KCNQ4: variants seen among roughly 807,000 people sequenced by gnomAD.
The protein encoded by KCNQ4 is potassium voltage-gated channel subfamily Q member 4, also known as potassium voltage-gated channel subfamily KQT member 4.
Under a neutral mutation model 72.6 loss-of-function variants are expected in KCNQ4, and 31 were observed. The ratio of observed to expected loss-of-function variants is 0.43; its 90% CI spans 0.32 to 0.58. KCNQ4 has a LOEUF of 0.58. Among genes scored for constraint, KCNQ4 ranks in the 20% least tolerant of loss-of-function variants. KCNQ4 has a pLI of 0.08. For missense variants in KCNQ4, 869 were observed against 962.6 expected (o/e 0.90, Z 1.29); for synonymous variants, 405 against 403.7 (o/e 1.00, Z -0.04).
rs371771838 is a variant in KCNQ4, at chr1:40,799,798, C to A, written c.314+15391C>A. On this transcript the variant is annotated intron_variant, in intron 1 of 13. Coordinates refer to ENST00000347132, the MANE Select transcript of KCNQ4 (RefSeq NM_004700.4). ...CTGCCTGAATGCAGTCACTGGCCTCCCGGTAACCTCAGCTTCCCATGTTCA... is the reference window on the plus strand; with the variant it reads ...CTGCCTGAATGCAGTCACTGGCCTCACGGTAACCTCAGCTTCCCATGTTCA... Among the ~76,000 whole-genome samples the A allele has an allele frequency of 5.9e-5, 9 of 152,348 alleles. No homozygotes were observed. In the East Asian group the frequency reaches 1.7e-3, roughly 29 times the overall value.
intron 6 of KCNQ4, 77 bp downstream of exon 6, chr1:40,820,062 G>A (rs1570832552): frequency 6.5e-7 from 1 of 1,538,106 alleles, no homozygotes; most frequent in Admixed American, 1.7e-5. Context: ...TTTGCCTGGG[G>A]AGCCTGGGGT....
chr1:40,795,270 T>TTC (rs1647379885), intron 1 of KCNQ4, among the ~76,000 whole-genome samples: 1 of 150,032 alleles, frequency 6.7e-6, no homozygotes, highest in African/African-American at 2.4e-5. Flanking sequence ...TTTTTTTTTT[T>TTC]TTTCCTTTTG....
Position 40,817,431 on chromosome 1 carries a change from G to C in KCNQ4, c.405+76G>C, listed in dbSNP as rs948488903. 2.7e-6 allele frequency: 3 copies of C among 1,131,658 alleles called. No homozygotes were observed. The highest frequency in any genetic ancestry group is 3.9e-6 in the Non-Finnish European group (3 of 774,722). 70.1% of individuals were successfully genotyped at this position (1,131,658 alleles called of 1,614,324 possible). On this transcript the variant is annotated intron_variant, in intron 2 of 13. Coordinates refer to ENST00000347132, the MANE Select transcript of KCNQ4 (RefSeq NM_004700.4). The surrounding 1 kb of genome is among the most constrained non-coding windows in gnomAD (Gnocchi z 5.5). ...TGGGCTGGGAGTCCGGGACTGAGGG[G>C]GGCTGTGTGAGGTAGCACCTCTGGG...
chr1:40,838,381 C>T lies in KCNQ4; in HGVS notation c.1946C>T (p.Ser649Leu), dbSNP rs1262477201. 1 of 1,614,044 alleles carries T rather than the reference C, an allele frequency of 6.2e-7. No homozygotes were observed. Among genetic ancestry groups the T allele is most frequent in the African/African-American group, 1.3e-5 (1 of 75,058 alleles). ...FYSRCLRSGT[S>L]ASLGAVQVPL... Reference sequence around the variant, plus strand: ...TCGCGCTGCCTGCGCTCTGGCACCTCGGCCAGCCTGGGCGCCGTGCAAGTG... The same window carrying T: ...TCGCGCTGCCTGCGCTCTGGCACCTTGGCCAGCCTGGGCGCCGTGCAAGTG... The change falls in exon 14 of 14, where the codon TCG becomes TTG. Residue 649 changes from serine (S) to leucine (L), a missense_variant. By Grantham distance (145) the Ser-to-Leu change is moderately radical. Around this residue, in one of 5 missense-constraint regions of KCNQ4, gnomAD observed 480 missense variants for 501.9 expected, o/e 0.96. Coordinates refer to ENST00000347132, the MANE Select transcript of KCNQ4 (RefSeq NM_004700.4).
chr1:40,827,808 A>G (rs1428700223), intron 9 of KCNQ4, among the ~76,000 whole-genome samples: 1 of 152,224 alleles, frequency 6.6e-6, no homozygotes, highest in Non-Finnish European at 1.5e-5. Flanking sequence ...TGTAAAATGC[A>G]GATGTAAATA....
At position 40,833,002 on chromosome 1, in the gene KCNQ4, C is replaced by G; in HGVS notation, c.1514-12C>G. ...CTTTGGTGGGCCACTTGCCCCATAC[C>G]TGCCTTTTCAGATGCCCCCTCAGAG... On this transcript the variant is annotated splice_polypyrimidine_tract_variant and intron_variant, in intron 10 of 13. Coordinates refer to ENST00000347132, the MANE Select transcript of KCNQ4 (RefSeq NM_004700.4). 1 of 1,610,226 alleles carries G rather than the reference C, an allele frequency of 6.2e-7. No homozygotes were observed.
At chr1:40,805,424 C>G (rs1647728195) in intron 1 of KCNQ4, among the ~76,000 whole-genome samples, 1 of 152,166 alleles carries the variant, frequency 6.6e-6, no homozygotes, top group Non-Finnish European at 1.5e-5. Context: ...TCTGCCCTCA[C>G]CCCCCACCAC....
chr1:40,785,904 T>C (rs1407480026), intron 1 of KCNQ4, among the ~76,000 whole-genome samples: 2 of 152,122 alleles, frequency 1.3e-5, no homozygotes, highest in Non-Finnish European at 2.9e-5. Flanking sequence ...ACCTTGACTC[T>C]GTGCAGAGAC....
intron 12 of KCNQ4, among the ~76,000 whole-genome samples, chr1:40,837,322 G>T (rs374830976): frequency 6.6e-6 from 1 of 152,154 alleles, no homozygotes; most frequent in East Asian, 1.9e-4. Flanking sequence ...GAATTCCTGG[G>T]CTCAAGTGAT....
In KCNQ4 at chr1:40,831,107, G is replaced by A. The variant is rs760822719; in HGVS notation, c.1316G>A (p.Arg439His). The A allele has an allele frequency of 1.9e-5, 30 of 1,602,342 alleles. No homozygotes were observed. Among genetic ancestry groups the A allele is most frequent in the Middle Eastern group, 1.6e-4 (1 of 6,070 alleles). ...AGCAGCCGGATGGGCATCAAAGACC[G>A]CATCCGCATGGGCAGCTCCCAGCGG... is the stretch of plus-strand genomic sequence containing the variant. ...GESSRMGIKD[R>H]IRMGSSQRRT... Residue 439 changes from arginine (R) to histidine (H), a missense_variant, in exon 10 of 14, where the codon CGC becomes CAC. Physicochemically the swap from Arg to His is conservative, Grantham distance 29. Transcript: ENST00000347132.
intron 9 of KCNQ4, among the ~76,000 whole-genome samples, chr1:40,830,743 A>G (rs1036574500): frequency 2.6e-5 from 4 of 151,854 alleles, no homozygotes; most frequent in African/African-American, 7.3e-5. Context: ...CACCTGCGCC[A>G]GGCCCAGCTC....
At position 40,784,766 on chromosome 1, in the gene KCNQ4, TCCCCA is replaced by T. The variant is rs1249090134; in HGVS notation, c.314+364_314+368del. ...CCTGGAGTGGGCGCCCTTTTCCTCT[TCCCCA>T]CCCCTGCCTCCCTGTGTCCCAGACA... On this transcript the variant is annotated intron_variant, in intron 1 of 13. Transcript: ENST00000347132. The surrounding 1 kb of genome is among the most constrained non-coding windows in gnomAD (Gnocchi z 4.1). Among the ~76,000 whole-genome samples, 1 of 151,952 alleles carries T rather than the reference TCCCCA, an allele frequency of 6.6e-6. No homozygotes were observed. The highest frequency in any genetic ancestry group is 2.1e-4 in the South Asian group (1 of 4,820).
At chr1:40,811,204 T>C (rs1647922541) in intron 1 of KCNQ4, among the ~76,000 whole-genome samples, 1 of 152,146 alleles carries the variant, frequency 6.6e-6, no homozygotes, top group South Asian at 2.1e-4. Context: ...GCAGTTATGG[T>C]TATTACTTCA....
chr1:40,814,823 A>G (rs1461567116), intron 1 of KCNQ4, among the ~76,000 whole-genome samples: 1 of 152,250 alleles, frequency 6.6e-6, no homozygotes, highest in Non-Finnish European at 1.5e-5. Flanking sequence ...GTACGTGTGT[A>G]AAAACCATCT....
chr1:40,811,782 C>T (rs1647934972), intron 1 of KCNQ4, among the ~76,000 whole-genome samples: 1 of 152,218 alleles, frequency 6.6e-6, no homozygotes, highest in African/African-American at 2.4e-5. Flanking sequence ...TGGGCCACAA[C>T]TTGCAGGCAG....
intron 1 of KCNQ4, among the ~76,000 whole-genome samples, chr1:40,796,933 A>T (rs1454368531): frequency 6.6e-6 from 1 of 151,686 alleles, no homozygotes; most frequent in African/African-American, 2.4e-5. Flanking sequence ...TAAATAAATA[A>T]ATAAATAAAT....
At chr1:40,823,083 G>A (rs1018600569) in intron 8 of KCNQ4, among the ~76,000 whole-genome samples, 2 of 152,216 alleles carry the variant, frequency 1.3e-5, no homozygotes, top group South Asian at 4.1e-4. Flanking sequence ...TTGTGGCTGG[G>A]GCAGGATGCT....
chr1:40,824,889 G>T lies in KCNQ4; in HGVS notation c.1292+631G>T, dbSNP rs914379312. On this transcript the variant is annotated intron_variant, in intron 9 of 13. Transcript: ENST00000347132. ...TCCCAGAGGGTCCTCTTGGGGTTCT[G>T]TTTCCTTCCTTACTGAGGTACACTT... 1.8e-4 allele frequency among the ~76,000 whole-genome samples: 28 copies of T among 152,292 alleles called. 1 individual carries two copies. Among genetic ancestry groups the T allele is most frequent in the African/African-American group, 6.7e-4 (28 of 41,562 alleles).
intron 8 of KCNQ4, among the ~76,000 whole-genome samples, chr1:40,823,088 G>T (rs920911467): frequency 6.6e-6 from 1 of 152,258 alleles, no homozygotes; most frequent in African/African-American, 2.4e-5. Flanking sequence ...GCTGGGGCAG[G>T]ATGCTGTGCT....
Sources: allele counts gnomAD v4.1 joint callset (sites outside exome capture counted in the v4.1 genomes callset), GRCh38; gene constraint gnomAD v4.1.1; regional missense constraint gnomAD v4.1.1; non-coding constraint Gnocchi (gnomAD v3.1); transcripts MANE v1.5; gene names NCBI Gene and HGNC (gene_info 2026-07-23, HGNC 2026-07-21).